ARHGEF7: variants seen among roughly 807,000 people sequenced by gnomAD.
ARHGEF7 encodes Rho guanine nucleotide exchange factor 7.
Under a neutral mutation model 109.8 loss-of-function variants are expected in ARHGEF7, and 33 were observed. That is an observed-to-expected ratio of 0.30 (90% CI 0.23 to 0.40). The LOEUF is 0.40. Ranked by LOEUF, ARHGEF7 falls within the 10% of genes least tolerant of loss-of-function variation. The probability of loss-of-function intolerance (pLI) is 1.00; values close to 1 mark genes in which losing one functional copy is unlikely to be tolerated. For synonymous variants in ARHGEF7, 458 were observed against 424.6 expected, an observed-to-expected ratio of 1.08 and a Z score of -0.97; for missense variants, 938 against 1,098.5, an observed-to-expected ratio of 0.85 and a Z score of 2.07.
intron 2 of ARHGEF7, among the ~76,000 whole-genome samples, chr13:111,183,773 C>T (rs372479733): frequency 6.6e-6 from 1 of 151,964 alleles, no homozygotes; most frequent in Non-Finnish European, 1.5e-5. Context: ...CTAATTGTAC[C>T]GGTTTTATAA....
chr13:111,264,643 CAG>C (rs1353538510), intron 8 of ARHGEF7, among the ~76,000 whole-genome samples: 3 of 152,126 alleles, frequency 2.0e-5, no homozygotes, highest in African/African-American at 7.2e-5. Context: ...CTTGCTCAGA[CAG>C]AGATCAAAGG....
chr13:111,115,141 C>A (rs2066648771), upstream of ARHGEF7: 1 of 148,398 alleles, frequency 6.7e-6, no homozygotes. Context: ...CTTCCCCGCC[C>A]GCTCCCAGCC....
chr13:111,257,743 C>T (rs143314590), intron 8 of ARHGEF7, among the ~76,000 whole-genome samples: 17 of 152,348 alleles, frequency 1.1e-4, no homozygotes, highest in Non-Finnish European at 2.2e-4. Flanking sequence ...GCAGCAGCCA[C>T]GTAGCACAGA....
intron 1 of ARHGEF7, among the ~76,000 whole-genome samples, chr13:111,147,943 C>A (rs986232605): frequency 6.6e-6 from 1 of 152,002 alleles, no homozygotes; most frequent in Non-Finnish European, 1.5e-5. Context: ...GTGATCCGCC[C>A]GCCTCGGCCT....
intron 2 of ARHGEF7, among the ~76,000 whole-genome samples, chr13:111,204,101 A>G (rs1471180879): frequency 6.6e-6 from 1 of 152,152 alleles, no homozygotes; most frequent in African/African-American, 2.4e-5. Context: ...GGGGGCAGCC[A>G]GGCTGTCAAG....
chr13:111,219,917 A>T (rs1012361781), intron 5 of ARHGEF7, among the ~76,000 whole-genome samples: 2 of 152,194 alleles, frequency 1.3e-5, no homozygotes, highest in East Asian at 3.8e-4. Flanking sequence ...CCTTTAAAAA[A>T]ATCCGTTCAT....
At chr13:111,213,123 G>A (rs1421213905) in intron 4 of ARHGEF7, among the ~76,000 whole-genome samples, 2 of 152,192 alleles carry the variant, frequency 1.3e-5, no homozygotes, top group Admixed American at 6.5e-5. Context: ...GTTTTGGATT[G>A]TTAGGGTAAT....
intron 2 of ARHGEF7, among the ~76,000 whole-genome samples, chr13:111,192,140 A>C (rs538211382): frequency 6.6e-6 from 1 of 152,280 alleles, no homozygotes; most frequent in South Asian, 2.1e-4. Context: ...AGGTGTATCA[A>C]GGCTGGTCTG....
chr13:111,247,273 C>CT (rs5806892), intron 8 of ARHGEF7, among the ~76,000 whole-genome samples: 41,434 of 146,282 alleles, frequency 0.28, 5,777 homozygotes, highest in Middle Eastern at 0.32. Context: ...CATACTCATT[C>CT]TTTTTTTTTT....
chr13:111,123,481 T>TCACA (rs150434265), intron 1 of ARHGEF7, among the ~76,000 whole-genome samples: 14 of 148,078 alleles, frequency 9.5e-5, no homozygotes, highest in South Asian at 4.2e-4. Context: ...AGATAACAAA[T>TCACA]CACACACACA....
At chr13:111,252,566 T>A (rs2089912514) in intron 8 of ARHGEF7, among the ~76,000 whole-genome samples, 1 of 152,186 alleles carries the variant, frequency 6.6e-6, no homozygotes, top group Admixed American at 6.5e-5. Context: ...TTAATGTCAT[T>A]AGGAGAGTTT....
chr13:111,232,030 T>A (rs2086126204), intron 5 of ARHGEF7, among the ~76,000 whole-genome samples: 1 of 152,108 alleles, frequency 6.6e-6, no homozygotes, highest in South Asian at 2.1e-4. Context: ...ATGTTAGATA[T>A]ACAGAACCAA....
chr13:111,285,387 T>G (rs1004505432), intron 16 of ARHGEF7, among the ~76,000 whole-genome samples: 7 of 152,248 alleles, frequency 4.6e-5, no homozygotes, highest in African/African-American at 1.7e-4. Context: ...GTTGGGGTGA[T>G]GCAGAAACCA....
At position 111,275,516 on chromosome 13, in the gene ARHGEF7, G is replaced by A. The variant is rs1203034141; in HGVS notation, c.1273-16G>A. 1.2e-6 allele frequency: 2 copies of A among 1,613,464 alleles called. No homozygotes were observed. The highest frequency in any genetic ancestry group is 1.7e-5 in the Admixed American group (1 of 60,016). ...AAAGTTTATGTCTGTTAACAGTGTT[G>A]TTCTGTGTCTGTCAGGCCCAATGTC... On this transcript the variant is annotated splice_polypyrimidine_tract_variant and intron_variant, in intron 11 of 21. Coordinates refer to ENST00000646102, the MANE Select transcript of ARHGEF7 (RefSeq NM_001354046.2).
intron 1 of ARHGEF7, among the ~76,000 whole-genome samples, chr13:111,117,831 G>C (rs1481070506): frequency 6.6e-6 from 1 of 152,124 alleles, no homozygotes; most frequent in East Asian, 1.9e-4. Flanking sequence ...CAAAGTGCTG[G>C]GATTACAGGC....
chr13:111,175,244 C>T (rs1193672643), intron 2 of ARHGEF7, among the ~76,000 whole-genome samples: 1 of 152,202 alleles, frequency 6.6e-6, no homozygotes, highest in Non-Finnish European at 1.5e-5. Context: ...GTCTTAGAAG[C>T]TCTAGAGTCA....
intron 3 of ARHGEF7, among the ~76,000 whole-genome samples, chr13:111,209,112 C>G (rs954289131): frequency 1.6e-4 from 25 of 152,302 alleles, no homozygotes; most frequent in Non-Finnish European, 2.5e-4. Flanking sequence ...TTCATGGAAG[C>G]CTCCCTGGAG....
chr13:111,296,179 G>A (rs2093423798), intron 19 of ARHGEF7, among the ~76,000 whole-genome samples: 1 of 152,118 alleles, frequency 6.6e-6, no homozygotes, highest in African/African-American at 2.4e-5. Context: ...TCTATGAAAT[G>A]GAAATGCTGG....
intron 5 of ARHGEF7, among the ~76,000 whole-genome samples, chr13:111,225,657 G>A (rs1009877988): frequency 6.6e-6 from 1 of 151,978 alleles, no homozygotes; most frequent in African/African-American, 2.4e-5. Context: ...TATCCGTTAT[G>A]GTGATCTGTG....
Sources: gnomAD v4.1 joint callset for allele counts (sites outside exome capture counted in the v4.1 genomes callset) on GRCh38, gnomAD v4.1.1 for gene constraint, MANE v1.5 for transcripts, NCBI Gene and HGNC (gene_info 2026-07-23, HGNC 2026-07-21) for gene names.